Variants in WRN observed in about 807,000 individuals in gnomAD.
WRN encodes WRN RecQ like helicase, also known as bifunctional 3'-5' exonuclease/ATP-dependent helicase WRN.
A neutral mutation model predicts 180.7 loss-of-function variants in WRN; 149 were observed. That is an observed-to-expected ratio of 0.82 (90% CI 0.72 to 0.94). WRN has a LOEUF of 0.94. Among genes scored for constraint, WRN ranks in the 40% least tolerant of loss-of-function variants. The probability of loss-of-function intolerance (pLI) is 0.00; values close to 1 mark genes in which losing one functional copy is unlikely to be tolerated. For missense variants in WRN, 1,661 were observed against 1,700.1 expected, an observed-to-expected ratio of 0.98 and a Z score of 0.40; for synonymous variants, 548 against 568.9, an observed-to-expected ratio of 0.96 and a Z score of 0.52.
chr8:31,131,160 C>CTTTCTTTTTTT lies in WRN; in HGVS notation c.2826-1202_2826-1201insCTTTTTTTTTT, dbSNP rs144507657. Among the ~76,000 whole-genome samples the CTTTCTTTTTTT allele has an allele frequency of 1.1e-4, 12 of 106,830 alleles. No individual in the cohort carries two copies. The South Asian group carries it at 2.2e-3, about 19-fold the overall frequency. The allele number at this position is 106,830 out of a possible 152,430, so 70.1% of individuals were successfully genotyped here. On this transcript the variant is annotated intron_variant, in intron 23 of 34. Coordinates refer to ENST00000298139, the MANE Select transcript of WRN (RefSeq NM_000553.6). ...TGTGGTGGAACCAAATTGCAACTTT[C>CTTTCTTTTTTT]TTTTTTTTTGAGACAGAGTTTTGCT... is the stretch of plus-strand genomic sequence containing the variant.
chr8:31,161,401 T>TA (rs1803609855), intron 33 of WRN, among the ~76,000 whole-genome samples: 1 of 152,204 alleles, frequency 6.6e-6, no homozygotes, highest in South Asian at 2.1e-4. Context: ...ACTACACACC[T>TA]AGGCTGTACG....
intron 31 of WRN, 108 bp from the exon 32 acceptor site, chr8:31,154,516 T>C: frequency 7.6e-7 from 1 of 1,314,336 alleles, no homozygotes; most frequent in South Asian, 1.5e-5. Context: ...ATTTGTTGCT[T>C]ATGGGTTTAA....
chr8:31,055,850 G>A (rs1232532023), intron 1 of WRN, among the ~76,000 whole-genome samples: 1 of 152,256 alleles, frequency 6.6e-6, no homozygotes, highest in African/African-American at 2.4e-5. Context: ...GAATTTGACC[G>A]AAAATAACCT....
intron 2 of WRN, 101 bp downstream of exon 2, chr8:31,058,644 G>A: frequency 8.1e-7 from 1 of 1,241,270 alleles, no homozygotes; most frequent in Non-Finnish European, 1.1e-6. Context: ...CATTGTTTAG[G>A]TCAGAGTTGC....
intron 1 of WRN, among the ~76,000 whole-genome samples, chr8:31,047,436 G>A (rs970453763): frequency 9.2e-5 from 14 of 152,152 alleles, no homozygotes; most frequent in African/African-American, 3.1e-4. Flanking sequence ...CCAGGGCTGA[G>A]TTTCTGAATC....
chr8:31,057,837 G>A (rs528645149), intron 1 of WRN, among the ~76,000 whole-genome samples: 1 of 151,700 alleles, frequency 6.6e-6, no homozygotes, highest in Non-Finnish European at 1.5e-5. Context: ...ACATTGAGGA[G>A]TGCCCTCAAA....
At chr8:31,045,238 A>T (rs886495183) in intron 1 of WRN, among the ~76,000 whole-genome samples, 1 of 152,182 alleles carries the variant, frequency 6.6e-6, no homozygotes, top group Admixed American at 6.6e-5. Context: ...GGTGTACAAC[A>T]TGATGTTTTG....
At position 31,174,823 on chromosome 8, in the gene WRN, C is replaced by CCTT. The variant is rs1563397666; in HGVS notation, c.*1722_*1723insTTC. The stretch of plus-strand genomic sequence containing the variant: ...TTCCTTCCTTCCTTCCTTCCTTCCT[C>CCTT]CCTCCCTCCCTCCCTCCCTCCCTCC... On this transcript the variant is annotated 3_prime_UTR_variant, in exon 35 of 35. Coordinates refer to ENST00000298139, the MANE Select transcript of WRN (RefSeq NM_000553.6). Among the ~76,000 whole-genome samples, 245 of 55,118 alleles carry CCTT rather than the reference C, an allele frequency of 4.4e-3. 1 individual carries two copies. Among genetic ancestry groups the CCTT allele is most frequent in the African/African-American group, 0.019 (235 of 12,350 alleles). 36.2% of individuals were successfully genotyped at this position (55,118 alleles called of 152,430 possible).
intron 28 of WRN, among the ~76,000 whole-genome samples, chr8:31,146,131 G>A (rs1053484765): frequency 2.6e-5 from 4 of 151,658 alleles, no homozygotes; most frequent in Non-Finnish European, 4.4e-5. Flanking sequence ...TTTCCCTGGC[G>A]TGTGCCTTCT....
intron 23 of WRN, among the ~76,000 whole-genome samples, chr8:31,128,246 T>C (rs73583752): frequency 0.032 from 4,836 of 152,172 alleles, 251 homozygotes; most frequent in African/African-American, 0.11. Context: ...GTAGAAAATT[T>C]GGTCAACATA....
intron 33 of WRN, among the ~76,000 whole-genome samples, chr8:31,163,308 C>T (rs1410683922): frequency 6.6e-6 from 1 of 152,144 alleles, no homozygotes; most frequent in Non-Finnish European, 1.5e-5. Flanking sequence ...TGTTAATTTG[C>T]TTTTTAAATC....
intron 8 of WRN, among the ~76,000 whole-genome samples, chr8:31,076,631 A>G (rs1813105610): frequency 1.3e-5 from 2 of 152,156 alleles, no homozygotes; most frequent in Admixed American, 6.5e-5. Flanking sequence ...CAAAGTTGTC[A>G]TTTTCTTTCT....
chr8:31,065,013 G>C lies in WRN; in HGVS notation c.454G>C (p.Asp152His), dbSNP rs1337431358. 1 of 1,613,502 alleles carries C rather than the reference G, an allele frequency of 6.2e-7. No individual in the cohort carries two copies. Among genetic ancestry groups the C allele is most frequent in the African/African-American group, 1.3e-5 (1 of 74,914 alleles). ...GDQWKLLRDF[D>H]IKLKNFVELT... is the part of the protein sequence containing the mutation. ...TCAGTGGAAACTTCTACGTGACTTT[G>C]ATATCAAATTGAAGAATTTTGTGGA... The change falls in exon 5 of 35, where the codon GAT becomes CAT. Residue 152 changes from aspartate (D) to histidine (H), a missense_variant. Transcript: ENST00000298139.
At chr8:31,125,981 TATATATATATATA>T (rs1801917524) in intron 23 of WRN, among the ~76,000 whole-genome samples, 3 of 44,330 alleles carry the variant, frequency 6.8e-5, no homozygotes, top group Admixed American at 3.2e-4. Flanking sequence ...AATATATATA[TATATATATATATA>T]TATATCTACT....
At chr8:31,066,438 G>A (rs1045094765) in intron 5 of WRN, among the ~76,000 whole-genome samples, 2 of 151,968 alleles carry the variant, frequency 1.3e-5, no homozygotes, top group African/African-American at 4.8e-5. Flanking sequence ...CACCTGCCTC[G>A]GTCTCCCAAA....
chr8:31,167,572 A>G (rs1803950229), intron 34 of WRN, among the ~76,000 whole-genome samples: 1 of 152,120 alleles, frequency 6.6e-6, no homozygotes, highest in Non-Finnish European at 1.5e-5. Flanking sequence ...AGTGAAAACA[A>G]ATTGTATTAT....
At chr8:31,134,347 A>C (rs1802314030) in intron 24 of WRN, among the ~76,000 whole-genome samples, 1 of 152,230 alleles carries the variant, frequency 6.6e-6, no homozygotes, top group Non-Finnish European at 1.5e-5. Context: ...AATGTATATA[A>C]ATATATAACA....
rs374867947 is a variant in WRN at position 31,143,628 on chromosome 8, A to C, written c.3383+5A>C. 99 of 1,569,458 alleles carry C rather than the reference A, an allele frequency of 6.3e-5. No individual in the cohort carries two copies. Among genetic ancestry groups the C allele is most frequent in the Middle Eastern group, 3.3e-4 (2 of 5,992 alleles). ...GAGTAACATTTCTAAAAAAAGGTAC[A>C]GAGTTCCATATTTCTATGTTCTATA... is the stretch of plus-strand genomic sequence containing the variant. On this transcript the variant is annotated splice_donor_5th_base_variant and intron_variant, in intron 28 of 34. Coordinates refer to ENST00000298139, the MANE Select transcript of WRN (RefSeq NM_000553.6).
intron 8 of WRN, 25 bp downstream of exon 8, chr8:31,076,312 TA>T (rs759914600): frequency 6.6e-7 from 1 of 1,517,446 alleles, no homozygotes; most frequent in Non-Finnish European, 9.1e-7. Flanking sequence ...TTTTTTTTTT[TA>T]ACTTAAATCA....
Sources: allele counts gnomAD v4.1 joint callset (sites outside exome capture counted in the v4.1 genomes callset), GRCh38; gene constraint gnomAD v4.1.1; transcripts MANE v1.5; gene names NCBI Gene and HGNC (gene_info 2026-07-23, HGNC 2026-07-21).